The following CIROZ variants were observed in gnomAD, a reference collection of about 807,000 sequenced individuals.
CIROZ encodes ciliated left-right organizer protein containing ZP-N domains, also known as ciliated left-right organizer ZP-N domains-containing protein.
At chr1:10,965,243 A>G in the CIROZ span, among the ~76,000 whole-genome samples, 1 of 151,994 alleles carries the variant, frequency 6.6e-6, no homozygotes, top group Non-Finnish European at 1.5e-5. Context: ...GGAGCAGGGT[A>G]GTTCCCAAAA....
At chr1:10,966,373 G>C in the CIROZ span, 4 of 1,532,788 alleles carry the variant, frequency 2.6e-6, no homozygotes, top group Non-Finnish European at 8.7e-7. Flanking sequence ...TCTGCACAAA[G>C]CAGGCCGAGT....
chr1:10,980,427 C>T, the CIROZ span, among the ~76,000 whole-genome samples: 5 of 152,366 alleles, frequency 3.3e-5, no homozygotes, highest in East Asian at 7.7e-4. Flanking sequence ...GGACACTGAG[C>T]CCAATGCGGA....
chr1:10,969,875 A>G, the CIROZ span: 1 of 1,417,772 alleles, frequency 7.1e-7, no homozygotes, highest in Non-Finnish European at 9.2e-7. Flanking sequence ...ATGCCCAGGA[A>G]CCTGCAAGAG....
the CIROZ span, among the ~76,000 whole-genome samples, chr1:10,963,867 TC>T: frequency 6.6e-6 from 1 of 152,028 alleles, no homozygotes; most frequent in Non-Finnish European, 1.5e-5. Context: ...AGATGGGAAA[TC>T]CAGAACCCGA....
the CIROZ span, chr1:10,948,686 G>A: frequency 6.2e-7 from 1 of 1,602,392 alleles, no homozygotes; most frequent in Non-Finnish European, 8.5e-7. Flanking sequence ...CAGGCTCCGA[G>A]GGGAGCGTGG....
chr1:10,977,225 T>C, the CIROZ span, among the ~76,000 whole-genome samples: 2 of 152,028 alleles, frequency 1.3e-5, no homozygotes, highest in African/African-American at 4.8e-5. Flanking sequence ...ATCTCGTGCC[T>C]ATAATCCCAG....
chr1:10,949,774 C>T, the CIROZ span: 2 of 1,579,408 alleles, frequency 1.3e-6, no homozygotes, highest in African/African-American at 1.3e-5. Flanking sequence ...AGGGAGTGGT[C>T]CTCAGTGCAG....
the CIROZ span, among the ~76,000 whole-genome samples, chr1:10,967,351 G>A: frequency 6.6e-6 from 1 of 151,784 alleles, no homozygotes; most frequent in Non-Finnish European, 1.5e-5. Flanking sequence ...CACTGGCTGT[G>A]CCCTCTGCCT....
At chr1:10,949,116 C>A in the CIROZ span, 4 of 303,302 alleles carry the variant, frequency 1.3e-5, no homozygotes, top group East Asian at 5.7e-5. Context: ...CCCAGCTACT[C>A]GGGAAGCTGA....
the CIROZ span, among the ~76,000 whole-genome samples, chr1:10,960,336 G>A: frequency 2.0e-4 from 30 of 152,158 alleles, no homozygotes; most frequent in African/African-American, 6.3e-4. This position sits in a 1 kb window ranked among gnomAD's most constrained non-coding sequence, Gnocchi z 4.6. Flanking sequence ...CCTGGGAGGC[G>A]GAAGTTGCAG....
chr1:10,957,674 A>G, the CIROZ span: 1 of 1,614,164 alleles, frequency 6.2e-7, no homozygotes, highest in East Asian at 2.2e-5. Context: ...GGTGGCATTC[A>G]TGTCCACATA....
chr1:10,957,570 C>G, the CIROZ span: 2 of 1,607,826 alleles, frequency 1.2e-6, no homozygotes, highest in Non-Finnish European at 1.7e-6. Flanking sequence ...GTGCTATGCC[C>G]CAGAGGCCCC....
the CIROZ span, among the ~76,000 whole-genome samples, chr1:10,963,343 T>C: frequency 0.044 from 6,633 of 151,914 alleles, 471 homozygotes; most frequent in African/African-American, 0.15. Flanking sequence ...GAGCCGAGAT[T>C]GCACCACTGC....
chr1:10,977,022 G>A, the CIROZ span, among the ~76,000 whole-genome samples: 1 of 151,980 alleles, frequency 6.6e-6, no homozygotes, highest in Non-Finnish European at 1.5e-5. Context: ...AGCTGGGCAT[G>A]GTGGCGCATG....
chr1:10,965,304 G>A, the CIROZ span, among the ~76,000 whole-genome samples: 2 of 152,028 alleles, frequency 1.3e-5, no homozygotes, highest in African/African-American at 2.4e-5. Flanking sequence ...ACTCTGGACT[G>A]GGTCAAGGAA....
At chr1:10,953,676 C>T in the CIROZ span, among the ~76,000 whole-genome samples, 6 of 152,180 alleles carry the variant, frequency 3.9e-5, no homozygotes, top group African/African-American at 1.4e-4. Context: ...ACTGGTATGC[C>T]TATTTTCCAG....
the CIROZ span, among the ~76,000 whole-genome samples, chr1:10,947,309 G>A: frequency 6.6e-6 from 1 of 152,152 alleles, no homozygotes; most frequent in Non-Finnish European, 1.5e-5. Flanking sequence ...GGCAGGGCCA[G>A]GGAGAGACCA....
the CIROZ span, chr1:10,957,180 G>T: frequency 8.0e-7 from 1 of 1,256,858 alleles, no homozygotes. Context: ...CTCCACAGGG[G>T]CCCCCTCTCC....
the CIROZ span, chr1:10,955,289 G>C: frequency 9.3e-7 from 1 of 1,074,620 alleles, no homozygotes; most frequent in Non-Finnish European, 1.3e-6. Context: ...CCTGTGGCCG[G>C]CACAGCACAC....
Sources: allele counts gnomAD v4.1 joint callset (sites outside exome capture counted in the v4.1 genomes callset), GRCh38; gene constraint gnomAD v4.1.1; non-coding constraint Gnocchi (gnomAD v3.1); transcripts MANE v1.5; gene names NCBI Gene and HGNC (gene_info 2026-07-23, HGNC 2026-07-21).